The following C10orf90 variants were observed in gnomAD, a reference collection of about 807,000 sequenced individuals.
The protein encoded by C10orf90 is chromosome 10 open reading frame 90.
A neutral mutation model predicts 62.5 loss-of-function variants in C10orf90; 56 were observed. The ratio of observed to expected loss-of-function variants is 0.90; its 90% CI spans 0.72 to 1.12. The LOEUF (loss-of-function observed/expected upper bound fraction) is 1.12. C10orf90 is among the 50% of genes most tolerant of loss of function. C10orf90 has a pLI of 0.00. For missense variants in C10orf90, 970 were observed against 880.4 expected, an observed-to-expected ratio of 1.10 and a Z score of -1.29; for synonymous variants, 386 against 340.4, an observed-to-expected ratio of 1.13 and a Z score of -1.47.
chr10:126,648,417 T>C (rs1016780623), intron 1 of C10orf90, among the ~76,000 whole-genome samples: 1 of 152,248 alleles, frequency 6.6e-6, no homozygotes, highest in Non-Finnish European at 1.5e-5. Flanking sequence ...TTCTGTTGTT[T>C]ATAAATTACT....
rs1844837008 is a variant in C10orf90, at chr10:126,585,275, AAAAG to A, written c.313+61286_313+61289del. On this transcript the variant is annotated intron_variant, in intron 2 of 9. Coordinates refer to ENST00000488181, the MANE Select transcript of C10orf90 (RefSeq NM_001350921.2). ...AGAGAGAGAGGAAAAGAAAGAAAGA[AAAAG>A]AAACAAAGAAAGCAAGCAAGCAAGC... 2.0e-5 allele frequency among the ~76,000 whole-genome samples: 3 copies of A among 151,196 alleles called. No individual in the cohort carries two copies. The South Asian group carries it at 6.3e-4, about 32-fold the overall frequency.
chr10:126,573,173 G>A (rs1844542848), intron 2 of C10orf90, among the ~76,000 whole-genome samples: 1 of 152,136 alleles, frequency 6.6e-6, no homozygotes, highest in African/African-American at 2.4e-5. Context: ...CTCTAAGAGG[G>A]TCCATGTGAG....
intron 4 of C10orf90, among the ~76,000 whole-genome samples, chr10:126,493,972 C>A (rs1861900936): frequency 6.6e-6 from 1 of 152,232 alleles, no homozygotes; most frequent in African/African-American, 2.4e-5. Context: ...TGATGCTCCA[C>A]TGTTCACAGC....
At chr10:126,503,022 A>G (rs910182407) in intron 4 of C10orf90, among the ~76,000 whole-genome samples, 1 of 152,252 alleles carries the variant, frequency 6.6e-6, no homozygotes, top group Non-Finnish European at 1.5e-5. Flanking sequence ...GCTTTAATGA[A>G]TAAAAGTTGT....
chr10:126,619,945 T>C (rs2133814337), intron 2 of C10orf90, among the ~76,000 whole-genome samples: 1 of 152,338 alleles, frequency 6.6e-6, no homozygotes, highest in Admixed American at 6.5e-5. Context: ...TTTTTCTTTT[T>C]AATTTTTAGA....
intron 2 of C10orf90, among the ~76,000 whole-genome samples, chr10:126,614,877 A>G (rs938000040): frequency 6.6e-6 from 1 of 152,246 alleles, no homozygotes; most frequent in African/African-American, 2.4e-5. Context: ...TATTGGGTTC[A>G]GTTGTATATC....
rs143355161 is a variant in C10orf90 at position 126,654,285 on chromosome 10, T to C, written c.241-7648A>G. On this transcript the variant is annotated intron_variant, in intron 1 of 9. Coordinates refer to ENST00000488181, the MANE Select transcript of C10orf90 (RefSeq NM_001350921.2). ...CCAGTAGAAGGCTGTTTAGTCTCCA[T>C]TGAAAATCTGTTGTTTAGTTTAGCC... is the stretch of plus-strand genomic sequence containing the variant. 4.1e-3 allele frequency among the ~76,000 whole-genome samples: 623 copies of C among 152,362 alleles called. 2 individuals carry two copies. Among genetic ancestry groups the C allele is most frequent in the Middle Eastern group, 0.024 (7 of 294 alleles).
Position 126,504,808 on chromosome 10 carries a change from C to T in C10orf90, c.683G>A (p.Gly228Glu), listed in dbSNP as rs1160961648. Reference protein sequence around the residue: ...ELPPKEERPCGGPRRGFASIT... With the variant: ...ELPPKEERPCEGPRRGFASIT... Reference sequence around the variant, plus strand: ...GGATGCAAACCCTCTGCGGGGGCCCCCACAGGGTCTCTCCTCTTTGGGCGG... The same window carrying T: ...GGATGCAAACCCTCTGCGGGGGCCCTCACAGGGTCTCTCCTCTTTGGGCGG... The change falls in exon 4 of 10, where the codon GGG (glycine) becomes GAG (glutamate). Residue 228 changes from glycine (G) to glutamate (E), a missense_variant. Physicochemically the swap from Gly to Glu is moderately conservative, Grantham distance 98. Coordinates refer to ENST00000488181, the MANE Select transcript of C10orf90 (RefSeq NM_001350921.2). The surrounding 1 kb of genome is among the most constrained non-coding windows in gnomAD (Gnocchi z 4.1). The T allele has an allele frequency of 1.3e-6, 2 of 1,591,334 alleles. No individual in the cohort carries two copies. The highest frequency in any genetic ancestry group is 1.2e-5 in the South Asian group (1 of 86,906).
intron 2 of C10orf90, among the ~76,000 whole-genome samples, chr10:126,522,040 G>T (rs1201567078): frequency 6.6e-6 from 1 of 152,116 alleles, no homozygotes; most frequent in Non-Finnish European, 1.5e-5. Flanking sequence ...AGGCCAAGGT[G>T]GGTGGATCCC....
At chr10:126,576,672 T>TCAACCTGG in intron 2 of C10orf90, among the ~76,000 whole-genome samples, 1 of 25,594 alleles carries the variant, frequency 3.9e-5, no homozygotes, top group Non-Finnish European at 7.8e-5. Context: ...TACATATATA[T>TCAACCTGG]GTATACATAT....
At chr10:126,532,929 A>T (rs1222204006) in intron 2 of C10orf90, among the ~76,000 whole-genome samples, 2 of 145,892 alleles carry the variant, frequency 1.4e-5, no homozygotes, top group Admixed American at 7.0e-5. Context: ...TATTATTATT[A>T]TTATTTATTT....
intron 4 of C10orf90, among the ~76,000 whole-genome samples, chr10:126,487,658 C>A (rs1861510092): frequency 6.6e-6 from 1 of 152,080 alleles, no homozygotes; most frequent in Admixed American, 6.5e-5. Flanking sequence ...TAATTTACCA[C>A]CAAAAGTCCC....
chr10:126,443,490 C>T (rs1858532918), intron 7 of C10orf90, among the ~76,000 whole-genome samples: 1 of 152,038 alleles, frequency 6.6e-6, no homozygotes, highest in Non-Finnish European at 1.5e-5. Flanking sequence ...CCTGAACAGA[C>T]CAATAACAAG....
intron 2 of C10orf90, among the ~76,000 whole-genome samples, chr10:126,555,440 AG>A (rs1351542397): frequency 3.3e-5 from 5 of 152,016 alleles, no homozygotes; most frequent in Admixed American, 2.6e-4. Flanking sequence ...TGGAAGGCTG[AG>A]GCAGGCGCGA....
intron 4 of C10orf90, among the ~76,000 whole-genome samples, chr10:126,490,067 TAA>T (rs1396838042): frequency 2.5e-5 from 3 of 121,490 alleles, no homozygotes; most frequent in African/African-American, 9.5e-5. Context: ...ATATAATATA[TAA>T]TATATAATAT....
Position 126,505,011 on chromosome 10 carries a change from T to C in C10orf90, c.480A>G (p.Ser160=). 6.2e-7 allele frequency: 1 copy of C among 1,614,222 alleles called. No individual in the cohort carries two copies. Among genetic ancestry groups the C allele is most frequent in the Non-Finnish European group, 8.5e-7 (1 of 1,180,028 alleles). The change falls in exon 4 of 10, where the codon TCA becomes TCG. Residue 160 remains serine (S), a synonymous_variant. Transcript: ENST00000488181. ...GGGGCAAGGAGGCCCTGTTTTCTCT[T>C]GACTTATTCTCATCAATCATCTGGG... The part of the protein sequence containing the change: ...VISQMIDENK[S]RENRASLPLP...
intron 2 of C10orf90, among the ~76,000 whole-genome samples, chr10:126,557,557 G>A (rs191433320): frequency 7.7e-4 from 117 of 151,272 alleles, no homozygotes; most frequent in African/African-American, 2.1e-3. Flanking sequence ...AACACTGCCC[G>A]GATTTGAGGT....
chr10:126,425,938 A>C (rs774243651), intron 9 of C10orf90, 36 bp from the exon 10 acceptor site: 1 of 1,614,088 alleles, frequency 6.2e-7, no homozygotes, highest in South Asian at 1.1e-5. Context: ...TCAAGTTGAG[A>C]TTCGGCATCT....
At chr10:126,432,856 T>C (rs184439803) in intron 7 of C10orf90, among the ~76,000 whole-genome samples, 4 of 152,358 alleles carry the variant, frequency 2.6e-5, no homozygotes, top group East Asian at 3.9e-4. Flanking sequence ...ACCACCCACG[T>C]TGGCCTTTGC....
Sources: allele counts gnomAD v4.1 joint callset (sites outside exome capture counted in the v4.1 genomes callset), GRCh38; gene constraint gnomAD v4.1.1; non-coding constraint Gnocchi (gnomAD v3.1); transcripts MANE v1.5; gene names NCBI Gene and HGNC (gene_info 2026-07-23, HGNC 2026-07-21).